The following KCNIP4 variants were observed in gnomAD, a reference collection of about 807,000 sequenced individuals.
KCNIP4 encodes potassium voltage-gated channel interacting protein 4, also known as Kv channel-interacting protein 4.
A neutral mutation model predicts 34.0 loss-of-function variants in KCNIP4; 12 were observed. That is an observed-to-expected ratio of 0.35 (90% CI 0.23 to 0.57). The LOEUF is 0.57. Among genes scored for constraint, KCNIP4 ranks in the 20% least tolerant of loss-of-function variants. The probability of loss-of-function intolerance (pLI) is 0.83; values close to 1 mark genes in which losing one functional copy is unlikely to be tolerated. For synonymous variants in KCNIP4, 124 were observed against 102.2 expected (o/e 1.21, Z -1.29); for missense variants, 238 against 311.7 (o/e 0.76, Z 1.78).
chr4:21,758,541 G>A (rs763219063), intron 1 of KCNIP4, among the ~76,000 whole-genome samples: 1 of 152,120 alleles, frequency 6.6e-6, no homozygotes, highest in African/African-American at 2.4e-5. Context: ...TGTAATAAAT[G>A]GGATTCAGAT....
At chr4:21,177,840 T>C (rs1754529522) in intron 1 of KCNIP4, among the ~76,000 whole-genome samples, 1 of 145,376 alleles carries the variant, frequency 6.9e-6, no homozygotes, top group South Asian at 2.1e-4. Context: ...AGAGCAAGAC[T>C]ATGTCTCAAA....
intron 2 of KCNIP4, among the ~76,000 whole-genome samples, chr4:20,881,709 G>A (rs1329095966): frequency 3.3e-5 from 5 of 152,152 alleles, no homozygotes; most frequent in African/African-American, 7.2e-5. Context: ...TGTCAAGTTC[G>A]GCAGGCTATA....
chr4:21,021,862 ATAGTATAG>A, intron 1 of KCNIP4, among the ~76,000 whole-genome samples: 1 of 93,596 alleles, frequency 1.1e-5, no homozygotes, highest in African/African-American at 4.3e-5. Context: ...ATAGTATCGT[ATAGTATAG>A]TATAGTATAG....
chr4:21,458,330 A>T (rs950070613), intron 1 of KCNIP4, among the ~76,000 whole-genome samples: 1 of 151,794 alleles, frequency 6.6e-6, no homozygotes, highest in South Asian at 2.1e-4. Context: ...AACTCATCAT[A>T]TTTTATGGCT....
At chr4:21,808,510 C>A (rs1013733037) in intron 1 of KCNIP4, among the ~76,000 whole-genome samples, 1 of 152,064 alleles carries the variant, frequency 6.6e-6, no homozygotes, top group Non-Finnish European at 1.5e-5. Flanking sequence ...ACATAACATA[C>A]AGAATATGTG....
intron 3 of KCNIP4, among the ~76,000 whole-genome samples, chr4:20,763,952 AAAC>A (rs1755171087): frequency 1.3e-5 from 2 of 152,202 alleles, no homozygotes; most frequent in Non-Finnish European, 2.9e-5. Context: ...TGCTTCAAGT[AAAC>A]AAGTACAATG....
At chr4:20,785,378 C>A (rs1711839637) in intron 3 of KCNIP4, among the ~76,000 whole-genome samples, 1 of 147,556 alleles carries the variant, frequency 6.8e-6, no homozygotes, top group South Asian at 2.1e-4. Flanking sequence ...TGCTGCCAAC[C>A]TTGGGAATGG....
At chr4:21,089,037 A>C (rs925490243) in intron 1 of KCNIP4, among the ~76,000 whole-genome samples, 2 of 152,232 alleles carry the variant, frequency 1.3e-5, no homozygotes, top group African/African-American at 4.8e-5. Flanking sequence ...TAGGTTAACT[A>C]AAAATATAAC....
chr4:21,814,145 C>T (rs964122097), intron 1 of KCNIP4, among the ~76,000 whole-genome samples: 3 of 152,034 alleles, frequency 2.0e-5, no homozygotes, highest in East Asian at 1.9e-4. Context: ...CTGGGAATCA[C>T]GAGGTTATAA....
chr4:21,519,937 G>C (rs1315446743), intron 1 of KCNIP4, among the ~76,000 whole-genome samples: 1 of 150,412 alleles, frequency 6.6e-6, no homozygotes, highest in Admixed American at 6.7e-5. Flanking sequence ...CTGATCACAA[G>C]GTCCCACAAT....
chr4:21,484,558 C>T (rs941562908), intron 1 of KCNIP4, among the ~76,000 whole-genome samples: 10 of 152,122 alleles, frequency 6.6e-5, no homozygotes, highest in Non-Finnish European at 1.5e-4. Context: ...TATAGGCATA[C>T]ACTGTGCAAC....
At chr4:21,093,853 C>T (rs966005652) in intron 1 of KCNIP4, among the ~76,000 whole-genome samples, 6 of 152,160 alleles carry the variant, frequency 3.9e-5, no homozygotes, top group East Asian at 3.9e-4. Flanking sequence ...GAGGCCACGG[C>T]GGGAGGATCA....
rs111478299 is a variant in KCNIP4 at position 20,964,186 on chromosome 4, T to C, written c.62-81477A>G. Among the ~76,000 whole-genome samples the C allele has an allele frequency of 2.0e-5, 3 of 152,224 alleles. 1 individual carries two copies. Among genetic ancestry groups the C allele is most frequent in the African/African-American group, 7.2e-5 (3 of 41,534 alleles). On this transcript the variant is annotated intron_variant, in intron 1 of 8. Transcript: ENST00000382152. ...TGTGAAAATTGGTTGCTGTTTTACA[T>C]AGAGAAGCTTGAGTTTCAGGAAAAT...
chr4:21,854,084 T>C (rs1724596464), intron 1 of KCNIP4, among the ~76,000 whole-genome samples: 1 of 152,184 alleles, frequency 6.6e-6, no homozygotes, highest in African/African-American at 2.4e-5. Flanking sequence ...AATAGCACTC[T>C]GTCTTCCCAA....
intron 1 of KCNIP4, among the ~76,000 whole-genome samples, chr4:21,245,420 C>T (rs2109060706): frequency 6.6e-6 from 1 of 152,214 alleles, no homozygotes; most frequent in South Asian, 2.1e-4. Flanking sequence ...ATATAAGCTC[C>T]ATGAATGCAA....
At chr4:21,087,146 ATGTGTGTGTG>A (rs34874556) in intron 1 of KCNIP4, among the ~76,000 whole-genome samples, 139 of 110,930 alleles carry the variant, frequency 1.3e-3, no homozygotes, top group Middle Eastern at 5.4e-3. Context: ...CTGCTGGGTA[ATGTGTGTGTG>A]TGTGTGTGTG....
At chr4:21,025,123 T>C (rs1346953256) in intron 1 of KCNIP4, among the ~76,000 whole-genome samples, 1 of 152,178 alleles carries the variant, frequency 6.6e-6, no homozygotes, top group Non-Finnish European at 1.5e-5. Context: ...AAGAAAAATG[T>C]AAGATTTTAC....
chr4:21,863,311 A>C lies in KCNIP4; in HGVS notation c.61+85260T>G, dbSNP rs1282147748. Among the ~76,000 whole-genome samples, 3 of 149,400 alleles carry C rather than the reference A, an allele frequency of 2.0e-5. No homozygotes were observed. In the East Asian group the frequency reaches 6.0e-4, roughly 30 times the overall value. On this transcript the variant is annotated intron_variant, in intron 1 of 8. Coordinates refer to ENST00000382152, the MANE Select transcript of KCNIP4 (RefSeq NM_025221.6). ...TCTATTTAGAAGGAGGTCAGCAGAT[A>C]GAAATAGACAGAAAAAACTATTTTA... is the stretch of plus-strand genomic sequence containing the variant.
chr4:21,489,752 A>G lies in KCNIP4; in HGVS notation c.61+458819T>C, dbSNP rs551780964. 1.1e-3 allele frequency among the ~76,000 whole-genome samples: 164 copies of G among 152,224 alleles called. 1 individual carries two copies. The South Asian group carries it at 0.013, about 12-fold the overall frequency. ...TCTGGGTTTGTCCTCTAATTAAAAT[A>G]TGTCACTGGTTAGACTCAGAATACA... On this transcript the variant is annotated intron_variant, in intron 1 of 8. Transcript: ENST00000382152.
Sources: allele counts gnomAD v4.1 joint callset (sites outside exome capture counted in the v4.1 genomes callset), GRCh38; gene constraint gnomAD v4.1.1; transcripts MANE v1.5; gene names NCBI Gene and HGNC (gene_info 2026-07-23, HGNC 2026-07-21).